The following AUTS2 variants were observed in gnomAD, a reference collection of about 807,000 sequenced individuals.
AUTS2 encodes the protein activator of transcription and developmental regulator AUTS2.
AUTS2 carries 17 observed loss-of-function variants against 112.4 expected under a neutral mutation model. The observed-to-expected ratio is 0.15, with a 90% CI of 0.10 to 0.23. The LOEUF (loss-of-function observed/expected upper bound fraction) is 0.23. Ranked by LOEUF, AUTS2 falls within the 10% of genes least tolerant of loss-of-function variation. AUTS2 has a pLI of 1.00. For missense variants in AUTS2, 1,510 were observed against 1,701.6 expected, an observed-to-expected ratio of 0.89 and a Z score of 1.98; for synonymous variants, 751 against 702.7, an observed-to-expected ratio of 1.07 and a Z score of -1.09.
chr7:70,413,069 T>C (rs1794841731), intron 4 of AUTS2, among the ~76,000 whole-genome samples: 1 of 152,234 alleles, frequency 6.6e-6, no homozygotes, highest in Admixed American at 6.5e-5. Context: ...CTGCCAGCAC[T>C]GGGGAACTGG....
At chr7:69,647,544 T>A (rs1795079860) in intron 1 of AUTS2, among the ~76,000 whole-genome samples, 2 of 152,076 alleles carry the variant, frequency 1.3e-5, no homozygotes, top group Admixed American at 1.3e-4. Flanking sequence ...TTTCTAGAGA[T>A]GAGGTCTCAC....
At chr7:70,208,360 T>G (rs1810686052) in intron 4 of AUTS2, among the ~76,000 whole-genome samples, 1 of 152,212 alleles carries the variant, frequency 6.6e-6, no homozygotes, top group South Asian at 2.1e-4. Context: ...ATTAAATAAC[T>G]GGAAATAAAC....
At chr7:70,095,474 G>C (rs1804144619) in intron 2 of AUTS2, among the ~76,000 whole-genome samples, 1 of 152,086 alleles carries the variant, frequency 6.6e-6, no homozygotes, top group Non-Finnish European at 1.5e-5. Flanking sequence ...ACATTTTCAG[G>C]AGTGGTAATG....
intron 2 of AUTS2, among the ~76,000 whole-genome samples, chr7:70,107,630 C>A (rs1029993087): frequency 6.6e-6 from 1 of 150,426 alleles, no homozygotes; most frequent in Non-Finnish European, 1.5e-5. Context: ...GCGTGAGCCA[C>A]CATGCCTGGC....
chr7:70,014,514 A>T (rs62458793), intron 2 of AUTS2, among the ~76,000 whole-genome samples: 4,797 of 152,322 alleles, frequency 0.031, 148 homozygotes, highest in Admixed American at 0.091. Flanking sequence ...TATTAAATTA[A>T]TGAAGATTTC....
intron 2 of AUTS2, among the ~76,000 whole-genome samples, chr7:70,062,376 C>T (rs73442405): frequency 6.6e-6 from 1 of 151,476 alleles, no homozygotes. Context: ...ATCTGGACAT[C>T]GTGGCACACG....
At chr7:70,767,610 G>GAAGAC (rs1790022151) in intron 9 of AUTS2, among the ~76,000 whole-genome samples, 1 of 152,154 alleles carries the variant, frequency 6.6e-6, no homozygotes, top group Non-Finnish European at 1.5e-5. Flanking sequence ...ATACATTTCA[G>GAAGAC]AAGACAGCTG....
At chr7:69,687,056 C>T (rs924759453) in intron 1 of AUTS2, among the ~76,000 whole-genome samples, 7 of 152,148 alleles carry the variant, frequency 4.6e-5, no homozygotes, top group African/African-American at 1.2e-4. Context: ...TGGGCTTATT[C>T]TATCTATGTC....
At chr7:70,009,542 T>G (rs1047718350) in intron 2 of AUTS2, among the ~76,000 whole-genome samples, 2 of 152,372 alleles carry the variant, frequency 1.3e-5, no homozygotes, top group Admixed American at 1.3e-4. Flanking sequence ...GTTACTTTGA[T>G]TTTATTTAAA....
chr7:70,327,284 G>A (rs985696787), intron 4 of AUTS2, among the ~76,000 whole-genome samples: 5 of 152,074 alleles, frequency 3.3e-5, no homozygotes, highest in East Asian at 1.9e-4. Flanking sequence ...TTCCAGTTCC[G>A]TGTCTTCCCA....
intron 5 of AUTS2, among the ~76,000 whole-genome samples, chr7:70,530,403 T>A (rs1219799324): frequency 6.6e-6 from 1 of 152,140 alleles, no homozygotes; most frequent in African/African-American, 2.4e-5. Flanking sequence ...CCCAAACTAA[T>A]CACCATCTGT....
chr7:69,707,514 A>G (rs886677234), intron 1 of AUTS2, among the ~76,000 whole-genome samples: 2 of 152,218 alleles, frequency 1.3e-5, no homozygotes, highest in Non-Finnish European at 2.9e-5. Context: ...TCATGCTGCC[A>G]CTTCCCAGCT....
chr7:69,777,736 T>G (rs905644968), intron 1 of AUTS2, among the ~76,000 whole-genome samples: 7 of 152,224 alleles, frequency 4.6e-5, no homozygotes, highest in Non-Finnish European at 8.8e-5. Context: ...GAGAAAACTT[T>G]GGGCTTCAGA....
intron 12 of AUTS2, 109 bp downstream of exon 12, chr7:70,774,208 G>C: frequency 2.0e-6 from 2 of 977,550 alleles, no homozygotes; most frequent in Non-Finnish European, 3.2e-6. Context: ...GCGAGCTGCT[G>C]TTTCAGCTGT....
chr7:70,749,135 A>T (rs1788644145), intron 6 of AUTS2, among the ~76,000 whole-genome samples: 1 of 152,108 alleles, frequency 6.6e-6, no homozygotes, highest in Non-Finnish European at 1.5e-5. Context: ...CCACCACCGC[A>T]TCCTGTCCAA....
At chr7:70,303,104 C>A (rs976447658) in intron 4 of AUTS2, among the ~76,000 whole-genome samples, 1 of 152,128 alleles carries the variant, frequency 6.6e-6, no homozygotes, top group Non-Finnish European at 1.5e-5. Flanking sequence ...CTACCTCTCA[C>A]TTGAGATCAA....
At chr7:69,927,238 C>G (rs1240863133) in intron 2 of AUTS2, among the ~76,000 whole-genome samples, 1 of 147,536 alleles carries the variant, frequency 6.8e-6, no homozygotes, top group Non-Finnish European at 1.5e-5. Flanking sequence ...TTACAGTGGT[C>G]TACCTTCACA....
In AUTS2 at chr7:70,256,360, G is replaced by A. The variant is rs527626900; in HGVS notation, c.660+121789G>A. 6.6e-5 allele frequency among the ~76,000 whole-genome samples: 10 copies of A among 152,312 alleles called. No individual in the cohort carries two copies. In the East Asian group the frequency reaches 1.5e-3, roughly 24 times the overall value. ...GTGTAAATGTTGCACAGTGGGCCAAGAGAACAGAGGGTCATAACAGGCAGC... is the reference window on the plus strand; with the variant it reads ...GTGTAAATGTTGCACAGTGGGCCAAAAGAACAGAGGGTCATAACAGGCAGC... On this transcript the variant is annotated intron_variant, in intron 4 of 18. Coordinates refer to ENST00000342771, the MANE Select transcript of AUTS2 (RefSeq NM_015570.4).
At chr7:70,400,271 G>A (rs576825628) in intron 4 of AUTS2, among the ~76,000 whole-genome samples, 1 of 152,268 alleles carries the variant, frequency 6.6e-6, no homozygotes, top group African/African-American at 2.4e-5. Context: ...TCATCTCAAG[G>A]AATAAGTGAT....
Sources: gnomAD v4.1 joint callset for allele counts (sites outside exome capture counted in the v4.1 genomes callset) on GRCh38, gnomAD v4.1.1 for gene constraint, MANE v1.5 for transcripts, NCBI Gene and HGNC (gene_info 2026-07-23, HGNC 2026-07-21) for gene names.